PTPRJ: variants seen among roughly 807,000 people sequenced by gnomAD.
The protein encoded by PTPRJ is receptor-type tyrosine-protein phosphatase eta.
PTPRJ carries 129 observed loss-of-function variants against 141.3 expected under a neutral mutation model. The ratio of observed to expected loss-of-function variants is 0.91; its 90% CI spans 0.79 to 1.06. The LOEUF is 1.06. Ranked by LOEUF, PTPRJ falls within the 50% of genes least tolerant of loss-of-function variation. The pLI is 0.00. For synonymous variants in PTPRJ, 610 were observed against 640.5 expected (o/e 0.95, Z 0.72); for missense variants, 1,601 against 1,679.7 (o/e 0.95, Z 0.82).
chr11:48,146,790 G>GTGT, intron 14 of PTPRJ, 86 bp from the exon 15 acceptor site: 1 of 951,754 alleles, frequency 1.1e-6, no homozygotes, highest in Non-Finnish European at 1.7e-6. Context: ...TAACTCTCTG[G>GTGT]TGTTAGGGTC....
chr11:48,088,527 G>A (rs1035178086), intron 1 of PTPRJ, among the ~76,000 whole-genome samples: 3 of 152,154 alleles, frequency 2.0e-5, no homozygotes, highest in Admixed American at 6.5e-5. Context: ...AAACGCTCCT[G>A]GCTTGCTGCC....
At chr11:48,117,657 A>G (rs1856604747) in intron 3 of PTPRJ, among the ~76,000 whole-genome samples, 1 of 151,552 alleles carries the variant, frequency 6.6e-6, no homozygotes, top group Non-Finnish European at 1.5e-5. Context: ...AACCTAATGT[A>G]GCACGTTAAG....
intron 7 of PTPRJ, among the ~76,000 whole-genome samples, chr11:48,129,008 C>T (rs1565317596): frequency 6.6e-6 from 1 of 152,170 alleles, no homozygotes; most frequent in Non-Finnish European, 1.5e-5. Context: ...ACAACAACAA[C>T]AAAACCCAAG....
chr11:47,981,091 C>T (rs1481209371), intron 1 of PTPRJ, 83 bp downstream of exon 1: 4 of 1,156,540 alleles, frequency 3.5e-6, no homozygotes, highest in Non-Finnish European at 4.3e-6. Flanking sequence ...CGTACCCCCC[C>T]GGGGGGTTCC....
At chr11:48,123,174 A>G (rs1856748052) in intron 4 of PTPRJ, among the ~76,000 whole-genome samples, 1 of 152,232 alleles carries the variant, frequency 6.6e-6, no homozygotes, top group Non-Finnish European at 1.5e-5. Context: ...GTAATTTAAA[A>G]TGATATTATT....
At chr11:47,998,821 C>T (rs1854411358) in intron 1 of PTPRJ, among the ~76,000 whole-genome samples, 1 of 152,146 alleles carries the variant, frequency 6.6e-6, no homozygotes. Flanking sequence ...TAATCTGTCT[C>T]AGGCCCTATT....
chr11:48,139,453 G>T, intron 10 of PTPRJ, 33 bp from the exon 11 acceptor site: 1 of 1,599,796 alleles, frequency 6.3e-7, no homozygotes, highest in Non-Finnish European at 8.6e-7. Context: ...CAAAAGTCCC[G>T]GAATCTCATG....
intron 1 of PTPRJ, among the ~76,000 whole-genome samples, chr11:48,080,386 A>C (rs1855526837): frequency 6.6e-6 from 1 of 152,174 alleles, no homozygotes; most frequent in African/African-American, 2.4e-5. Flanking sequence ...TGCAAGTGTG[A>C]AGAGTGAGGC....
intron 1 of PTPRJ, among the ~76,000 whole-genome samples, chr11:48,104,623 T>G (rs1856240974): frequency 6.6e-6 from 1 of 152,218 alleles, no homozygotes; most frequent in African/African-American, 2.4e-5. Context: ...GCTTTGTCAC[T>G]TGCTGAAATC....
At chr11:48,162,202 A>G (rs947952580) in intron 22 of PTPRJ, among the ~76,000 whole-genome samples, 1 of 152,128 alleles carries the variant, frequency 6.6e-6, no homozygotes, top group Non-Finnish European at 1.5e-5. Context: ...GCCTGAATAC[A>G]TTTTCCTTTA....
chr11:48,154,802 C>T (rs192366719), intron 19 of PTPRJ, among the ~76,000 whole-genome samples: 18 of 152,270 alleles, frequency 1.2e-4, no homozygotes, highest in African/African-American at 4.3e-4. Flanking sequence ...GCTTTTAAAA[C>T]TAGGCTGGGG....
chr11:48,106,263 C>G (rs1265016065), intron 1 of PTPRJ, among the ~76,000 whole-genome samples: 1 of 151,908 alleles, frequency 6.6e-6, no homozygotes, highest in Non-Finnish European at 1.5e-5. Flanking sequence ...CTAACAGAAG[C>G]AAAACCAAAA....
At chr11:48,043,115 C>T (rs1297656858) in intron 1 of PTPRJ, among the ~76,000 whole-genome samples, 1 of 152,152 alleles carries the variant, frequency 6.6e-6, no homozygotes, top group African/African-American at 2.4e-5. Context: ...CAAGTGCAGA[C>T]CATGGTTTTC....
At chr11:48,046,910 A>ATTCTT (rs1281439545) in intron 1 of PTPRJ, among the ~76,000 whole-genome samples, 1 of 87,104 alleles carries the variant, frequency 1.1e-5, no homozygotes, top group African/African-American at 7.8e-5. Flanking sequence ...ATATATATAT[A>ATTCTT]TATTTTTTTT....
chr11:48,139,813 T>C (rs769495752), intron 11 of PTPRJ, 37 bp downstream of exon 11: 1 of 1,607,044 alleles, frequency 6.2e-7, no homozygotes, highest in Non-Finnish European at 8.5e-7. Flanking sequence ...GTTGGCACTG[T>C]GATCACTCCT....
Position 48,142,961 on chromosome 11 carries a change from G to A in PTPRJ, c.2486G>A (p.Ser829Asn), listed in dbSNP as rs1301139920. 6 of 1,614,052 alleles carry A rather than the reference G, an allele frequency of 3.7e-6. No individual in the cohort carries two copies. The highest frequency in any genetic ancestry group is 3.3e-5 in the Admixed American group (2 of 60,002). The change falls in exon 12 of 25, where the codon AGT (serine) becomes AAT (asparagine). Residue 829 changes from serine (S) to asparagine (N), a missense_variant. By Grantham distance (46) the Ser-to-Asn change is conservative. Transcript: ENST00000418331. ...PDGSPNITSV[S>N]HNSVKVKFSG... ...GGATCCCCTAATATTACATCTGTCA[G>A]TCACAATTCAGTAAAGGTCAAGTTC... is the stretch of plus-strand genomic sequence containing the variant.
intron 1 of PTPRJ, among the ~76,000 whole-genome samples, chr11:48,043,856 C>CG (rs1044917930): frequency 2.0e-5 from 3 of 152,110 alleles, no homozygotes; most frequent in African/African-American, 7.2e-5. Flanking sequence ...GTGGAGGAAG[C>CG]GGGGGTTTAA....
Position 47,980,866 on chromosome 11 carries a change from CG to C in PTPRJ, c.-43del. On this transcript the variant is annotated 5_prime_UTR_variant, in exon 1 of 25. Transcript: ENST00000418331. ...ACGGTGCCCGGGCTCGGGCGCACGGCGGGGCCCGATTCGCGCGTCCGGGGCA... is the reference window on the plus strand; with the variant it reads ...ACGGTGCCCGGGCTCGGGCGCACGGCGGGCCCGATTCGCGCGTCCGGGGCA... 8.2e-6 allele frequency: 9 copies of C among 1,093,220 alleles called. No individual in the cohort carries two copies. Among genetic ancestry groups the C allele is most frequent in the Non-Finnish European group, 1.0e-5 (9 of 901,202 alleles). The allele number at this position is 1,093,220 out of a possible 1,614,324, so 67.7% of individuals were successfully genotyped here.
chr11:48,146,835 T>G, intron 14 of PTPRJ, 41 bp from the exon 15 acceptor site: 1 of 1,555,498 alleles, frequency 6.4e-7, no homozygotes, highest in Non-Finnish European at 8.9e-7. Flanking sequence ...GTGGTCTGCA[T>G]GAACACCTCT....
Sources: gnomAD v4.1 joint callset for allele counts (sites outside exome capture counted in the v4.1 genomes callset) on GRCh38, gnomAD v4.1.1 for gene constraint, MANE v1.5 for transcripts, NCBI Gene and HGNC (gene_info 2026-07-23, HGNC 2026-07-21) for gene names.